The following IL1RAPL2 variants were observed in gnomAD, a reference collection of about 807,000 sequenced individuals.
IL1RAPL2 encodes the protein interleukin 1 receptor accessory protein like 2.
In IL1RAPL2, 3 loss-of-function variants were observed where a neutral mutation model predicts 44.1. The observed-to-expected ratio is 0.07, with a 90% CI of 0.03 to 0.18. IL1RAPL2 has a LOEUF of 0.18. Among genes scored for constraint, IL1RAPL2 ranks in the 10% least tolerant of loss-of-function variants. IL1RAPL2 has a pLI of 1.00. For missense variants in IL1RAPL2, 391 were observed against 496.4 expected (o/e 0.79, Z 2.02); for synonymous variants, 181 against 178.8 (o/e 1.01, Z -0.10).
At chrX:105,591,736 C>T (rs924603956) in intron 6 of IL1RAPL2, among the ~76,000 whole-genome samples, 2 of 111,568 alleles carry the variant, frequency 1.8e-5, no homozygotes, top group African/African-American at 6.5e-5. Context: ...TTTGAGCAAT[C>T]TTCTTTGTAC....
chrX:105,424,641 T>G (rs1488902643), intron 5 of IL1RAPL2, among the ~76,000 whole-genome samples: 1 of 109,817 alleles, frequency 9.1e-6, no homozygotes, highest in African/African-American at 3.3e-5. Flanking sequence ...TCCCAGCTAC[T>G]CTGGAGGCTG....
rs371045491 is a variant in IL1RAPL2 at position 104,954,556 on chromosome X, T to C, written c.83-240919T>C. Among the ~76,000 whole-genome samples, 155 of 111,864 alleles carry C rather than the reference T, an allele frequency of 1.4e-3. 1 individual carries two copies. The highest frequency in any genetic ancestry group is 4.6e-3 in the African/African-American group (143 of 30,767). On this transcript the variant is annotated intron_variant, in intron 2 of 10. Coordinates refer to ENST00000372582, the MANE Select transcript of IL1RAPL2 (RefSeq NM_017416.2). ...TTCTTTTCTTTTTTTCTTTTTTCTT[T>C]TTGGAGACAGGGTCTAGCTCTGTAG...
At chrX:105,436,850 A>G (rs1306538779) in intron 5 of IL1RAPL2, among the ~76,000 whole-genome samples, 1 of 109,965 alleles carries the variant, frequency 9.1e-6, no homozygotes, top group African/African-American at 3.3e-5. Context: ...AGACAAATAT[A>G]TAGAAATGTA....
chrX:105,496,273 C>T (rs964303794), intron 6 of IL1RAPL2, among the ~76,000 whole-genome samples: 3 of 112,348 alleles, frequency 2.7e-5, no homozygotes, highest in African/African-American at 9.7e-5. Context: ...TGTGCCCTGA[C>T]CCACCTTGGG....
intron 5 of IL1RAPL2, among the ~76,000 whole-genome samples, chrX:105,391,700 G>A (rs1433518661): frequency 1.2e-5 from 1 of 81,694 alleles, no homozygotes; most frequent in Non-Finnish European, 2.3e-5. Flanking sequence ...GCACACGTAT[G>A]TTTATTGCGG....
At chrX:105,683,971 A>G (rs934453299) in intron 6 of IL1RAPL2, among the ~76,000 whole-genome samples, 50 of 112,681 alleles carry the variant, frequency 4.4e-4, no homozygotes, top group African/African-American at 1.5e-3. Flanking sequence ...ATTAGTAATC[A>G]ATATTTTGGC....
intron 4 of IL1RAPL2, among the ~76,000 whole-genome samples, chrX:105,253,501 C>T (rs1007266630): frequency 7.2e-5 from 8 of 111,561 alleles, no homozygotes; most frequent in African/African-American, 2.6e-4. Context: ...TTTAATCATA[C>T]TTATTTTAAG....
At chrX:105,074,902 AC>A (rs1431973819) in intron 2 of IL1RAPL2, among the ~76,000 whole-genome samples, 7 of 111,001 alleles carry the variant, frequency 6.3e-5, no homozygotes. Flanking sequence ...GTAACCTGAG[AC>A]TTTGCTGAAG....
intron 2 of IL1RAPL2, among the ~76,000 whole-genome samples, chrX:105,110,990 T>G (rs369292190): frequency 5.3e-5 from 6 of 112,178 alleles, no homozygotes; most frequent in East Asian, 2.8e-4. Flanking sequence ...GGAGTGACTT[T>G]ACTTGTCTTT....
intron 2 of IL1RAPL2, among the ~76,000 whole-genome samples, chrX:105,119,851 GACTATAGTAATTAAATT>G (rs1377942454): frequency 2.7e-5 from 3 of 110,799 alleles, no homozygotes; most frequent in Non-Finnish European, 3.8e-5. Flanking sequence ...TGATAACAAT[GACTATAGTAATTAAATT>G]ACTATAGTAA....
chrX:104,927,675 C>T (rs1199336866), intron 2 of IL1RAPL2, among the ~76,000 whole-genome samples: 4 of 111,944 alleles, frequency 3.6e-5, no homozygotes, highest in African/African-American at 1.3e-4. Context: ...TCCTTCTAGT[C>T]TCCTAATTTT....
chrX:104,598,014 T>C (rs1335482892), intron 1 of IL1RAPL2, among the ~76,000 whole-genome samples: 1 of 112,050 alleles, frequency 8.9e-6, no homozygotes, highest in Non-Finnish European at 1.9e-5. Context: ...TTCAGAAATA[T>C]GTAGGATTGG....
At chrX:105,367,310 T>A (rs1451580142) in intron 5 of IL1RAPL2, among the ~76,000 whole-genome samples, 1 of 111,656 alleles carries the variant, frequency 9.0e-6, no homozygotes, top group East Asian at 2.8e-4. Flanking sequence ...GATTGGAGAA[T>A]TTAATTCATT....
chrX:104,718,873 A>G (rs1308160350), intron 2 of IL1RAPL2, among the ~76,000 whole-genome samples: 1 of 111,928 alleles, frequency 8.9e-6, no homozygotes, highest in Non-Finnish European at 1.9e-5. Flanking sequence ...TAGGCCATAC[A>G]GTCTCTGTGA....
chrX:105,542,684 TTATA>T (rs1416627910), intron 6 of IL1RAPL2, among the ~76,000 whole-genome samples: 8 of 98,476 alleles, frequency 8.1e-5, no homozygotes, highest in African/African-American at 3.3e-4. Flanking sequence ...TTTTTATTTT[TTATA>T]TTTTTTATTT....
At chrX:105,083,671 C>T (rs1303899608) in intron 2 of IL1RAPL2, among the ~76,000 whole-genome samples, 1 of 112,052 alleles carries the variant, frequency 8.9e-6, no homozygotes, top group Non-Finnish European at 1.9e-5. Context: ...ATTCAACATT[C>T]TTAAAGAAAA....
At chrX:104,692,125 G>T (rs1931100372) in intron 2 of IL1RAPL2, among the ~76,000 whole-genome samples, 1 of 110,794 alleles carries the variant, frequency 9.0e-6, no homozygotes, top group African/African-American at 3.3e-5. Context: ...TAAATTACTG[G>T]TGCCTCAGTT....
At chrX:104,598,574 T>C (rs1413515724) in intron 1 of IL1RAPL2, among the ~76,000 whole-genome samples, 1 of 112,267 alleles carries the variant, frequency 8.9e-6, no homozygotes, top group African/African-American at 3.2e-5. Context: ...CTATTCTGAA[T>C]CCCTGTACCT....
chrX:105,461,395 AG>A (rs1442032883), intron 5 of IL1RAPL2, among the ~76,000 whole-genome samples: 1 of 111,328 alleles, frequency 9.0e-6, no homozygotes, highest in Non-Finnish European at 1.9e-5. Flanking sequence ...TTTTCCTTTA[AG>A]TCTTTTTATC....
Sources: gnomAD v4.1 joint callset for allele counts (sites outside exome capture counted in the v4.1 genomes callset) on GRCh38, gnomAD v4.1.1 for gene constraint, MANE v1.5 for transcripts, NCBI Gene and HGNC (gene_info 2026-07-23, HGNC 2026-07-21) for gene names.